GPATCH2L: variants seen among roughly 807,000 people sequenced by gnomAD.
GPATCH2L encodes the protein G-patch domain containing 2 like, also known as G patch domain-containing protein 2-like.
In GPATCH2L, 31 loss-of-function variants were observed where a neutral mutation model predicts 57.4. The observed-to-expected ratio is 0.54, with a 90% confidence interval of 0.41 to 0.73. The LOEUF (loss-of-function observed/expected upper bound fraction) is 0.73, where lower values mean the gene tolerates loss of function less well. Ranked by LOEUF, GPATCH2L falls within the 30% of genes least tolerant of loss-of-function variation. The pLI, the probability that GPATCH2L is intolerant of heterozygous loss-of-function variation, is 0.00. For missense variants in GPATCH2L, 481 were observed against 599.9 expected, an observed-to-expected ratio of 0.80 and a Z score of 2.07; for synonymous variants, 199 against 210.7, an observed-to-expected ratio of 0.94 and a Z score of 0.48.
intron 2 of GPATCH2L, among the ~76,000 whole-genome samples, chr14:76,159,200 G>T (rs189616714): frequency 7.9e-5 from 12 of 152,318 alleles, no homozygotes; most frequent in African/African-American, 2.4e-4. Flanking sequence ...ACACTGAGAT[G>T]CTGCGATTCT....
intron 7 of GPATCH2L, among the ~76,000 whole-genome samples, chr14:76,180,179 G>A (rs1027651049): frequency 6.6e-6 from 1 of 152,138 alleles, no homozygotes; most frequent in Admixed American, 6.5e-5. Flanking sequence ...CTAGGTGATG[G>A]AGTGATTAGG....
intron 9 of GPATCH2L, among the ~76,000 whole-genome samples, chr14:76,197,634 A>G (rs1378059290): frequency 2.0e-5 from 3 of 152,180 alleles, no homozygotes; most frequent in Admixed American, 6.5e-5. Flanking sequence ...GCTCTGCCTA[A>G]CATCGGGCCA....
At position 76,234,295 on chromosome 14, in the gene GPATCH2L, C is replaced by T. The variant is rs2040587989; in HGVS notation, c.*117+4342C>T. 2.6e-5 allele frequency among the ~76,000 whole-genome samples: 4 copies of T among 152,164 alleles called. No homozygotes were observed. The South Asian group carries it at 8.3e-4, about 31-fold the overall frequency. ...CATGGCTTATTGTTCACTGTTGTATCTCTGTTGCCTAAAACAGCAGGTGTG... is the reference window on the plus strand; with the variant it reads ...CATGGCTTATTGTTCACTGTTGTATTTCTGTTGCCTAAAACAGCAGGTGTG... On this transcript the variant is annotated intron_variant and NMD_transcript_variant, in intron 2 of 3. Coordinates refer to the GPATCH2L transcript ENST00000556372.
intron 1 of GPATCH2L, chr14:76,153,110 C>A: frequency 4.3e-6 from 1 of 234,794 alleles, no homozygotes; most frequent in Non-Finnish European, 8.6e-6. Context: ...ACAGGTGTGG[C>A]AGATAAGCCA....
At chr14:76,219,269 A>G (rs1177818478), downstream of GPATCH2L, among the ~76,000 whole-genome samples, 3 of 152,164 alleles carry the variant, frequency 2.0e-5, no homozygotes, top group Non-Finnish European at 4.4e-5. Flanking sequence ...CACATTAGCA[A>G]TCCAGTATAA....
At chr14:76,176,261 G>A (rs2039322182) in intron 5 of GPATCH2L, 1 of 174,830 alleles carries the variant, frequency 5.7e-6, no homozygotes, top group Non-Finnish European at 1.2e-5. Context: ...AGCTTGGTGT[G>A]TTGGCCTGTT....
chr14:76,218,566 G>A (rs548081347), downstream of GPATCH2L, among the ~76,000 whole-genome samples: 51 of 151,824 alleles, frequency 3.4e-4, no homozygotes, highest in Non-Finnish European at 5.2e-4. Context: ...ATAGAAATAC[G>A]CAGCATCATA....
intron 1 of GPATCH2L, among the ~76,000 whole-genome samples, chr14:76,222,127 C>A (rs985810783): frequency 6.6e-6 from 1 of 152,220 alleles, no homozygotes; most frequent in Admixed American, 6.5e-5. Flanking sequence ...CAAAACTACT[C>A]TAAACTCTAT....
At chr14:76,228,389 C>T (rs1595014988) in intron 1 of GPATCH2L, among the ~76,000 whole-genome samples, 1 of 152,146 alleles carries the variant, frequency 6.6e-6, no homozygotes, top group East Asian at 1.9e-4. Flanking sequence ...AAAGAGGTTG[C>T]TTTCTCCCTC....
chr14:76,166,631 A>T (rs752508096), intron 2 of GPATCH2L, 32 bp from the exon 3 acceptor site: 7 of 1,496,354 alleles, frequency 4.7e-6, no homozygotes, highest in Non-Finnish European at 6.5e-6. Flanking sequence ...ACTGGAGCTG[A>T]TGAGTTCTCT....
intron 3 of GPATCH2L, 146 bp downstream of exon 3, chr14:76,166,873 G>C (rs756376649): frequency 1.2e-4 from 79 of 662,522 alleles, no homozygotes; most frequent in Non-Finnish European, 1.8e-4. Flanking sequence ...CTAGGGAACT[G>C]TTAAAACTGC....
intron 1 of GPATCH2L, among the ~76,000 whole-genome samples, chr14:76,152,279 C>G (rs1160984520): frequency 6.6e-6 from 1 of 150,656 alleles, no homozygotes; most frequent in African/African-American, 2.4e-5. Flanking sequence ...GTCGCCCCAG[C>G]CCTCAGGGAC....
chr14:76,196,244 A>G (rs1379408749), intron 9 of GPATCH2L: 10 of 613,734 alleles, frequency 1.6e-5, no homozygotes, highest in Non-Finnish European at 2.3e-5. Context: ...GTTTTAGCAG[A>G]CAGGAAATTA....
chr14:76,197,771 C>T (rs1236275039), intron 9 of GPATCH2L, among the ~76,000 whole-genome samples: 1 of 152,156 alleles, frequency 6.6e-6, no homozygotes, highest in Non-Finnish European at 1.5e-5. Context: ...CATCTGTTAT[C>T]GGACTCTTCA....
intron 8 of GPATCH2L, among the ~76,000 whole-genome samples, chr14:76,189,046 C>G (rs1300721422): frequency 6.6e-6 from 1 of 152,082 alleles, no homozygotes; most frequent in Non-Finnish European, 1.5e-5. Flanking sequence ...GTTCTCTATT[C>G]TGTTCCATTG....
intron 2 of GPATCH2L, among the ~76,000 whole-genome samples, chr14:76,160,418 A>G (rs557393682): frequency 1.3e-5 from 2 of 152,308 alleles, no homozygotes; most frequent in South Asian, 4.1e-4. Context: ...TGTATTCTCT[A>G]TTGCTACAGA....
At position 76,208,848 on chromosome 14, in the gene GPATCH2L, C is replaced by T. The variant is rs1340187670; in HGVS notation, c.*6997C>T. 6.6e-6 allele frequency: 1 copy of T among 152,224 alleles called. No individual in the cohort carries two copies. The highest frequency in any genetic ancestry group is 1.5e-5 in the Non-Finnish European group (1 of 68,074). The allele number at this position is 152,224 out of a possible 1,614,324, so 9.4% of individuals were successfully genotyped here. A position where few individuals can be genotyped will look rare whatever the true frequency, so the allele number is the denominator to read the frequency against. On this transcript the variant is annotated 3_prime_UTR_variant, in exon 10 of 10. Coordinates refer to ENST00000261530, the MANE Select transcript of GPATCH2L (RefSeq NM_017926.4). ...AGTCTACCGAGGCAGTGGTTTTTAA[C>T]CCTGGCTGCATGTTAGGGTCACCTG... is the stretch of plus-strand genomic sequence containing the variant.
chr14:76,168,268 T>A (rs1566781977), intron 3 of GPATCH2L, among the ~76,000 whole-genome samples: 1 of 152,266 alleles, frequency 6.6e-6, no homozygotes, highest in African/African-American at 2.4e-5. Context: ...TTATGAACTA[T>A]ATCAGTGGGT....
At chr14:76,194,792 T>C (rs1490221177) in intron 8 of GPATCH2L, among the ~76,000 whole-genome samples, 1 of 152,198 alleles carries the variant, frequency 6.6e-6, no homozygotes, top group African/African-American at 2.4e-5. Context: ...TTTACTATTT[T>C]AATCACTTTT....
Sources: allele counts gnomAD v4.1 joint callset (sites outside exome capture counted in the v4.1 genomes callset), GRCh38; gene constraint gnomAD v4.1.1; transcripts MANE v1.5; gene names NCBI Gene and HGNC (gene_info 2026-07-23, HGNC 2026-07-21).